Variants in MYO7A observed in about 807,000 individuals in gnomAD.
The protein encoded by MYO7A is unconventional myosin-VIIa.
A neutral mutation model predicts 263.8 loss-of-function variants in MYO7A; 210 were observed. The ratio of observed to expected loss-of-function variants is 0.80; its 90% CI spans 0.71 to 0.89. The LOEUF is 0.89. Ranked by LOEUF, MYO7A falls within the 40% of genes least tolerant of loss-of-function variation. MYO7A has a pLI of 0.00. For synonymous variants in MYO7A, 1,239 were observed against 1,197.3 expected, an observed-to-expected ratio of 1.03 and a Z score of -0.72; for missense variants, 2,820 against 2,968.3, an observed-to-expected ratio of 0.95 and a Z score of 1.16.
chr11:77,151,440 A>C (rs1261595583), intron 4 of MYO7A, among the ~76,000 whole-genome samples: 1 of 152,100 alleles, frequency 6.6e-6, no homozygotes, highest in African/African-American at 2.4e-5. Flanking sequence ...CTTGGTCTCC[A>C]TGGCCCGCTA....
rs1446181081 is a variant in MYO7A, at chr11:77,214,762, C to A, written c.*66C>A. 4 of 1,314,876 alleles carry A rather than the reference C, an allele frequency of 3.0e-6. No homozygotes were observed. Among genetic ancestry groups the A allele is most frequent in the East Asian group, 5.1e-5 (2 of 39,456 alleles). The allele number at this position is 1,314,876 out of a possible 1,614,324, so 81.5% of individuals were successfully genotyped here. Reference sequence around the variant, plus strand: ...GCAGCAGTGGGTTCAGGCCCATCAGCTACCCCTGCAGCTGGGGAAGACTTA... The same window carrying A: ...GCAGCAGTGGGTTCAGGCCCATCAGATACCCCTGCAGCTGGGGAAGACTTA... On this transcript the variant is annotated 3_prime_UTR_variant, in exon 49 of 49. Transcript: ENST00000409709.
At chr11:77,193,179 G>GTAGTGATGT (rs1418576062) in intron 31 of MYO7A, among the ~76,000 whole-genome samples, 1 of 147,508 alleles carries the variant, frequency 6.8e-6, no homozygotes, top group African/African-American at 2.5e-5. Flanking sequence ...GATGGTGGAG[G>GTAGTGATGT]TAGTGATGTT....
intron 15 of MYO7A, among the ~76,000 whole-genome samples, chr11:77,168,506 G>A (rs1555074062): frequency 6.6e-6 from 1 of 152,158 alleles, no homozygotes; most frequent in East Asian, 1.9e-4. Context: ...TGAAGAACTG[G>A]GGCCCAGGCT....
At chr11:77,206,925 C>A in intron 41 of MYO7A, 1 of 187,210 alleles carries the variant, frequency 5.3e-6, no homozygotes, top group Non-Finnish European at 1.1e-5. Context: ...TCTGTCCGGG[C>A]TGCTTTCCCC....
intron 44 of MYO7A, among the ~76,000 whole-genome samples, chr11:77,209,878 C>T (rs377447106): frequency 2.0e-5 from 3 of 152,096 alleles, no homozygotes; most frequent in Non-Finnish European, 4.4e-5. Flanking sequence ...CTGGCCGTGG[C>T]CCTGCCTGGT....
rs569752467 is a variant in MYO7A, at chr11:77,199,654, C to T, written c.4688C>T (p.Ala1563Val). 5.6e-6 allele frequency: 9 copies of T among 1,612,596 alleles called. No homozygotes were observed. Among genetic ancestry groups the T allele is most frequent in the South Asian group, 3.3e-5 (3 of 90,806 alleles). The change falls in exon 35 of 49, where the codon GCG becomes GTG. Residue 1563 changes from alanine (A) to valine (V), a missense_variant. Physicochemically the swap from Ala to Val is moderately conservative, Grantham distance 64. Transcript: ENST00000409709. ...TCTCCGTGTTGGTCCTGCAGGGGAG[C>T]GAAAACGACGGCCCCCAGCTTCACG... The part of the protein sequence containing the change: ...PCSPCWSCRG[A>V]KTTAPSFTLA...
chr11:77,198,347 C>G (rs540083132), intron 33 of MYO7A, 148 bp from the exon 34 acceptor site: 2 of 1,088,006 alleles, frequency 1.8e-6, no homozygotes, highest in East Asian at 5.2e-5. Flanking sequence ...GGTTTTGGCA[C>G]GTAGCGAGTT....
chr11:77,201,592 G>C lies in MYO7A; in HGVS notation c.4997G>C (p.Ser1666Thr), dbSNP rs1314035852. 1 of 1,613,926 alleles carries C rather than the reference G, an allele frequency of 6.2e-7. No homozygotes were observed. The highest frequency in any genetic ancestry group is 8.5e-7 in the Non-Finnish European group (1 of 1,179,868). The part of the protein sequence containing the change: ...TKQRGDFPTD[S>T]VYVMPTVTMP... ...CAGCGTGGGGACTTCCCCACCGACA[G>C]TGTGTACGTCATGCCCACTGTCACC... The change falls in exon 36 of 49, where the codon AGT becomes ACT. Residue 1666 changes from serine to threonine, a missense_variant. Physicochemically the swap from Ser to Thr is moderately conservative, Grantham distance 58. Coordinates refer to ENST00000409709, the MANE Select transcript of MYO7A (RefSeq NM_000260.4).
chr11:77,199,619 G>C lies in MYO7A; in HGVS notation c.4653G>C (p.Ala1551=). 6.2e-7 allele frequency: 1 copy of C among 1,606,240 alleles called. No homozygotes were observed. The highest frequency in any genetic ancestry group is 8.5e-7 in the Non-Finnish European group (1 of 1,176,992). The part of the protein sequence containing the change: ...PHSGWAGLTP[A]GPCSPCWSCR... Reference sequence around the variant, plus strand: ...CAGGCTGGGCAGGACTGACCCCGGCGGGGCCCTGTTCTCCGTGTTGGTCCT... The same window carrying C: ...CAGGCTGGGCAGGACTGACCCCGGCCGGGCCCTGTTCTCCGTGTTGGTCCT... Residue 1551 remains alanine, a synonymous_variant, in exon 35 of 49, where the codon GCG becomes GCC. Transcript: ENST00000409709.
intron 3 of MYO7A, among the ~76,000 whole-genome samples, chr11:77,144,156 TTGGAGCTC>T (rs1555052449): frequency 2.3e-4 from 35 of 152,298 alleles, no homozygotes; most frequent in African/African-American, 8.2e-4. Flanking sequence ...AGCGGCGACT[TTGGAGCTC>T]AGATTCTGCT....
At chr11:77,158,239 C>A (rs376020956) in intron 8 of MYO7A, 38 bp from the exon 9 acceptor site, 3 of 1,542,946 alleles carry the variant, frequency 1.9e-6, no homozygotes, top group African/African-American at 2.7e-5. Flanking sequence ...GGTACACTGA[C>A]GTCCTCTTGC....
chr11:77,198,536 T>A lies in MYO7A; in HGVS notation c.4483T>A (p.Trp1495Arg). The change falls in exon 34 of 49, where the codon TGG becomes AGG. Residue 1495 changes from tryptophan (W) to arginine (R), a missense_variant. Transcript: ENST00000409709. ...GAACGACGTCATCGTGGCCGTCAACTGGACGGGTGTGTACTTTGTGGATGA... is the reference window on the plus strand; with the variant it reads ...GAACGACGTCATCGTGGCCGTCAACAGGACGGGTGTGTACTTTGTGGATGA... ...PKNDVIVAVN[W>R]TGVYFVDEQE... 6.2e-7 allele frequency: 1 copy of A among 1,613,928 alleles called. No homozygotes were observed. Among genetic ancestry groups the A allele is most frequent in the East Asian group, 2.2e-5 (1 of 44,890 alleles).
Position 77,168,466 on chromosome 11 carries a change from G to T in MYO7A, c.1797+2304G>T, listed in dbSNP as rs78307319. On this transcript the variant is annotated intron_variant, in intron 15 of 48. Transcript: ENST00000409709. ...CATTCACTCCCCACTGCAACCTGGC[G>T]AGTAATTACTATTACTCCCACTTTA... Among the ~76,000 whole-genome samples the T allele has an allele frequency of 1.0e-3, 157 of 152,260 alleles. 3 individuals carry two copies. In the East Asian group the frequency reaches 0.03, roughly 29 times the overall value.
At chr11:77,213,786 T>C (rs1157384216) in intron 47 of MYO7A, 74 bp from the exon 48 acceptor site, 11 of 1,606,248 alleles carry the variant, frequency 6.8e-6, no homozygotes, top group Non-Finnish European at 9.4e-6. Context: ...TGAGGCCTTC[T>C]GTGAGGGCAT....
At chr11:77,135,821 T>C (rs535310158) in intron 2 of MYO7A, among the ~76,000 whole-genome samples, 113 of 152,328 alleles carry the variant, frequency 7.4e-4, no homozygotes, top group African/African-American at 2.6e-3. Context: ...TGATTTGCAT[T>C]ATCCTAATGA....
In MYO7A at chr11:77,154,623, G is replaced by A. The variant is rs533145372; in HGVS notation, c.286-1284G>A. Among the ~76,000 whole-genome samples the A allele has an allele frequency of 1.2e-4, 11 of 89,686 alleles. No individual in the cohort carries two copies. In the South Asian group the frequency reaches 2.2e-3, roughly 18 times the overall value. 58.8% of individuals were successfully genotyped at this position (89,686 alleles called of 152,430 possible). A position where few individuals can be genotyped will look rare whatever the true frequency, so the allele number is the denominator to read the frequency against. On this transcript the variant is annotated intron_variant, in intron 4 of 48. Coordinates refer to ENST00000409709, the MANE Select transcript of MYO7A (RefSeq NM_000260.4). ...CCTGGCTGCTCCCCTCCAGCCTCCC[G>A]CCCCCACCCCACCCCAGCTCTTCCT...
chr11:77,156,908 C>T lies in MYO7A; in HGVS notation c.639C>T (p.Phe213=), dbSNP rs540197003. ...KTIRNDNSSR[F]GKYIDIHFNK... ...TCCGCAATGACAACTCAAGCCGTTT[C>T]GGAAAGTACATCGACATCCACTTCA... The change falls in exon 7 of 49, where the codon TTC becomes TTT. Residue 213 remains phenylalanine (F), a synonymous_variant. Transcript: ENST00000409709. 147 of 1,614,020 alleles carry T rather than the reference C, an allele frequency of 9.1e-5. No homozygotes were observed. The East Asian group carries it at 2.0e-3, about 22-fold the overall frequency.
chr11:77,208,451 G>C lies in MYO7A; in HGVS notation c.5878G>C (p.Asp1960His). Residue 1960 changes from aspartate (D) to histidine (H), a missense_variant, in exon 43 of 49, where the codon GAC becomes CAC. Coordinates refer to ENST00000409709, the MANE Select transcript of MYO7A (RefSeq NM_000260.4). The part of the protein sequence containing the change: ...ADKVLSVPEN[D>H]FFFDFVRHLT... ...CCAGGTCCTCAGCGTTCCTGAGAAT[G>C]ACTTCTTCTTTGACTTTGTTCGACA... 6.2e-7 allele frequency: 1 copy of C among 1,613,586 alleles called. No homozygotes were observed. Among genetic ancestry groups the C allele is most frequent in the Non-Finnish European group, 8.5e-7 (1 of 1,179,662 alleles).
rs1254364681 is a variant in MYO7A at position 77,214,005 on chromosome 11, G to C, written c.6558+26G>C. 3 of 1,613,038 alleles carry C rather than the reference G, an allele frequency of 1.9e-6. No individual in the cohort carries two copies. The East Asian group carries it at 6.7e-5, about 36-fold the overall frequency. On this transcript the variant is annotated intron_variant, in intron 48 of 48. Coordinates refer to ENST00000409709, the MANE Select transcript of MYO7A (RefSeq NM_000260.4). Reference sequence around the variant, plus strand: ...GTGAGGGCGCATCCTGCTGGGCCTAGTGGGCTCCCTGCCTTGCCTGCAGCG... The same window carrying C: ...GTGAGGGCGCATCCTGCTGGGCCTACTGGGCTCCCTGCCTTGCCTGCAGCG...
Sources: gnomAD v4.1 joint callset for allele counts (sites outside exome capture counted in the v4.1 genomes callset) on GRCh38, gnomAD v4.1.1 for gene constraint, MANE v1.5 for transcripts, NCBI Gene and HGNC (gene_info 2026-07-23, HGNC 2026-07-21) for gene names.